PAFAH1B2: variants seen among roughly 807,000 people sequenced by gnomAD.
The protein encoded by PAFAH1B2 is platelet-activating factor acetylhydrolase IB subunit alpha2.
PAFAH1B2 carries 8 observed loss-of-function variants against 28.0 expected under a neutral mutation model. That is an observed-to-expected ratio of 0.29 (90% CI 0.17 to 0.52). The LOEUF (loss-of-function observed/expected upper bound fraction) is 0.52, where lower values mean the gene tolerates loss of function less well. PAFAH1B2 is among the 20% of genes least tolerant of loss of function. The pLI is 0.97. For missense variants in PAFAH1B2, 190 were observed against 282.6 expected (o/e 0.67, Z 2.35); for synonymous variants, 104 against 103.2 (o/e 1.01, Z -0.05).
chr11:117,174,881 C>G, downstream of PAFAH1B2: 1 of 1,509,102 alleles, frequency 6.6e-7, no homozygotes, highest in Non-Finnish European at 8.9e-7. Context: ...TCCCAAAGTG[C>G]TGGGATTACA....
At chr11:117,165,807 A>G (rs1389138965) in intron 5 of PAFAH1B2, among the ~76,000 whole-genome samples, 4 of 151,824 alleles carry the variant, frequency 2.6e-5, no homozygotes, top group East Asian at 1.9e-4. Context: ...TGGTTAGGAG[A>G]AGGAGGCCAC....
intron 1 of PAFAH1B2, among the ~76,000 whole-genome samples, chr11:117,151,164 C>T (rs748778882): frequency 2.6e-5 from 4 of 151,164 alleles, no homozygotes; most frequent in African/African-American, 4.9e-5. Flanking sequence ...ATTAGCAGTT[C>T]TAATTTTGCG....
At chr11:117,152,373 TATA>T in intron 1 of PAFAH1B2, 65 bp from the exon 2 acceptor site, 1 of 881,092 alleles carries the variant, frequency 1.1e-6, no homozygotes, top group South Asian at 1.4e-5. Context: ...GCCTGATGTG[TATA>T]ATATTTAAGT....
chr11:117,147,252 G>C (rs549792469), intron 1 of PAFAH1B2, among the ~76,000 whole-genome samples: 1 of 152,244 alleles, frequency 6.6e-6, no homozygotes, highest in Non-Finnish European at 1.5e-5. Context: ...TGGGCAACGG[G>C]AGCGAAACTC....
At position 117,169,134 on chromosome 11, in the gene PAFAH1B2, T is replaced by C; in HGVS notation, c.*1435T>C. The C allele has an allele frequency of 9.8e-7, 1 of 1,023,184 alleles. No homozygotes were observed. The highest frequency in any genetic ancestry group is 1.2e-6 in the Non-Finnish European group (1 of 852,384). The allele number at this position is 1,023,184 out of a possible 1,614,324, so 63.4% of individuals were successfully genotyped here. The stretch of plus-strand genomic sequence containing the variant: ...AATTATCCTCCAAAAATTTTGGGCC[T>C]TTTTCTGTGGGGAAACAAGTGAAGC... On this transcript the variant is annotated 3_prime_UTR_variant, in exon 6 of 6. Transcript: ENST00000527958.
At chr11:117,173,674 A>G (rs754394638), downstream of PAFAH1B2, among the ~76,000 whole-genome samples, 22 of 152,196 alleles carry the variant, frequency 1.4e-4, no homozygotes, top group Non-Finnish European at 2.6e-4. Flanking sequence ...CCGTAATACC[A>G]TGAAGCCATG....
chr11:117,149,079 C>A (rs1000726881), intron 1 of PAFAH1B2, among the ~76,000 whole-genome samples: 2 of 120,090 alleles, frequency 1.7e-5, no homozygotes, highest in Non-Finnish European at 3.5e-5. Context: ...AGATGGATTT[C>A]GCCTTTTTGG....
At chr11:117,161,359 C>G (rs1956365548) in intron 4 of PAFAH1B2, 98 bp downstream of exon 4, 1 of 687,578 alleles carries the variant, frequency 1.5e-6, no homozygotes. Context: ...CTTTAAAGAC[C>G]TATTTCACTA....
At chr11:117,151,824 A>C (rs1483161519) in intron 1 of PAFAH1B2, among the ~76,000 whole-genome samples, 1 of 151,914 alleles carries the variant, frequency 6.6e-6, no homozygotes, top group Non-Finnish European at 1.5e-5. Context: ...CTTCTGCCTC[A>C]GCCTCCCAAG....
In PAFAH1B2 at chr11:117,170,012, C is replaced by A; in HGVS notation, c.*2313C>A. ...ACATTTTATATCTACCAGAGCTATT[C>A]AAGCAATAGTATTTGAACCACTAGC... On this transcript the variant is annotated 3_prime_UTR_variant, in exon 6 of 6. Transcript: ENST00000527958. 3 of 1,055,152 alleles carry A rather than the reference C, an allele frequency of 2.8e-6. No individual in the cohort carries two copies. The highest frequency in any genetic ancestry group is 3.4e-6 in the Non-Finnish European group (3 of 873,020). 65.4% of individuals were successfully genotyped at this position (1,055,152 alleles called of 1,614,324 possible).
At chr11:117,153,540 G>A (rs138050656) in intron 2 of PAFAH1B2, among the ~76,000 whole-genome samples, 3,643 of 152,042 alleles carry the variant, frequency 0.024, 75 homozygotes, top group South Asian at 0.098. Flanking sequence ...ACAGGCGCCC[G>A]CCACCACGCT....
chr11:117,146,021 C>CTG (rs1955996110), intron 1 of PAFAH1B2, among the ~76,000 whole-genome samples: 1 of 151,988 alleles, frequency 6.6e-6, no homozygotes, highest in Non-Finnish European at 1.5e-5. Flanking sequence ...CTTTAATGGA[C>CTG]AACAAAGCTT....
rs927421313 is a variant in PAFAH1B2, at chr11:117,167,639, T to C, written c.630T>C (p.His210=). 3 of 1,596,702 alleles carry C rather than the reference T, an allele frequency of 1.9e-6. No individual in the cohort carries two copies. Among genetic ancestry groups the C allele is most frequent in the African/African-American group, 2.7e-5 (2 of 74,742 alleles). The change falls in exon 6 of 6, where the codon CAT becomes CAC. Residue 210 remains histidine, a synonymous_variant. Transcript: ENST00000527958. ...GGYAKICKPL[H]ELIMQLLEET... ...ATGCAAAGATCTGCAAACCCCTGCA[T>C]GAACTGATCATGCAGTTGTTGGAGG...
Position 117,169,266 on chromosome 11 carries a change from T to TTA in PAFAH1B2, c.*1567_*1568insTA. On this transcript the variant is annotated 3_prime_UTR_variant, in exon 6 of 6. Transcript: ENST00000527958. ...TGTACTTCATCTGAGAATTTGTTGA[T>TTA]CTTAATGTTCGAGCTATATAAGAAC... The TTA allele has an allele frequency of 9.6e-7, 1 of 1,038,978 alleles. No individual in the cohort carries two copies. The highest frequency in any genetic ancestry group is 5.9e-5 in the East Asian group (1 of 17,054). 64.4% of individuals were successfully genotyped at this position (1,038,978 alleles called of 1,614,324 possible).
intron 1 of PAFAH1B2, among the ~76,000 whole-genome samples, chr11:117,145,826 C>CA (rs1955990867): frequency 6.6e-6 from 1 of 152,324 alleles, no homozygotes; most frequent in South Asian, 2.1e-4. Context: ...CAGACTAAAA[C>CA]ATCTAACTCA....
At position 117,169,369 on chromosome 11, in the gene PAFAH1B2, T is replaced by C. The variant is rs1262415441; in HGVS notation, c.*1670T>C. 6 of 1,051,092 alleles carry C rather than the reference T, an allele frequency of 5.7e-6. No individual in the cohort carries two copies. Among genetic ancestry groups the C allele is most frequent in the African/African-American group, 3.3e-5 (2 of 60,328 alleles). 65.1% of individuals were successfully genotyped at this position (1,051,092 alleles called of 1,614,324 possible). On this transcript the variant is annotated 3_prime_UTR_variant, in exon 6 of 6. Coordinates refer to ENST00000527958, the MANE Select transcript of PAFAH1B2 (RefSeq NM_002572.4). ...TATGTACAAACTGGATCTATAGATA[T>C]TTTGAACTGGACCAGGTGGGTATTG...
At chr11:117,165,080 C>T (rs1469868935) in intron 5 of PAFAH1B2, among the ~76,000 whole-genome samples, 1 of 150,304 alleles carries the variant, frequency 6.7e-6, no homozygotes. Flanking sequence ...CTCAGCCTCC[C>T]GAGTAGCTGG....
At position 117,156,209 on chromosome 11, in the gene PAFAH1B2, A is replaced by T. The variant is rs140075798; in HGVS notation, c.81+3681A>T. Reference sequence around the variant, plus strand: ...CTCTAGAAAAGAATATATGGCCATTAAAAGTTATGATTATAAAAACTGCAT... The same window carrying T: ...CTCTAGAAAAGAATATATGGCCATTTAAAGTTATGATTATAAAAACTGCAT... On this transcript the variant is annotated intron_variant, in intron 2 of 5. Coordinates refer to ENST00000527958, the MANE Select transcript of PAFAH1B2 (RefSeq NM_002572.4). 8.5e-3 allele frequency among the ~76,000 whole-genome samples: 1,292 copies of T among 152,312 alleles called. 17 individuals are homozygous for T. Among genetic ancestry groups the T allele is most frequent in the African/African-American group, 0.03 (1,232 of 41,568 alleles).
rs1956571106 is a variant in PAFAH1B2, at chr11:117,168,471, TGGTTC to T, written c.*773_*777del. Reference sequence around the variant, plus strand: ...GTTTTTTTTTTTTTTTTTTTTTTTTTGGTTCTTGTTGACATTACAAGCTTTTAACA... The same window carrying T: ...GTTTTTTTTTTTTTTTTTTTTTTTTTTTGTTGACATTACAAGCTTTTAACA... On this transcript the variant is annotated 3_prime_UTR_variant, in exon 6 of 6. Coordinates refer to ENST00000527958, the MANE Select transcript of PAFAH1B2 (RefSeq NM_002572.4). The T allele has an allele frequency of 2.4e-6, 2 of 847,952 alleles. No individual in the cohort carries two copies. Among genetic ancestry groups the T allele is most frequent in the African/African-American group, 4.1e-5 (2 of 48,628 alleles). 52.5% of individuals were successfully genotyped at this position (847,952 alleles called of 1,614,324 possible).
Sources: allele counts gnomAD v4.1 joint callset (sites outside exome capture counted in the v4.1 genomes callset), GRCh38; gene constraint gnomAD v4.1.1; transcripts MANE v1.5; gene names NCBI Gene and HGNC (gene_info 2026-07-23, HGNC 2026-07-21).